Variants in CSNK1G1 observed in about 807,000 individuals in gnomAD.
The protein encoded by CSNK1G1 is casein kinase 1 gamma 1, also known as casein kinase I isoform gamma-1.
A neutral mutation model predicts 59.6 loss-of-function variants in CSNK1G1; 22 were observed. That is an observed-to-expected ratio of 0.37 (90% CI 0.26 to 0.53). CSNK1G1 has a LOEUF of 0.53. Among genes scored for constraint, CSNK1G1 ranks in the 20% least tolerant of loss-of-function variants. The pLI is 0.89. For synonymous variants in CSNK1G1, 179 were observed against 177.1 expected (o/e 1.01, Z -0.08); for missense variants, 384 against 519.5 (o/e 0.74, Z 2.54).
At chr15:64,336,162 T>C (rs907371372) in intron 1 of CSNK1G1, among the ~76,000 whole-genome samples, 6 of 152,192 alleles carry the variant, frequency 3.9e-5, no homozygotes, top group African/African-American at 1.4e-4. Flanking sequence ...CAAAGCACCA[T>C]GCCCAAAACA....
In CSNK1G1 at chr15:64,246,386, C is replaced by T. The variant is rs1891756205; in HGVS notation, c.292+5126G>A. ...CCTGTGATCCCAGCACTTTGGGCAG[C>T]CAAGGTGAGAGGATCACCTGGGGCC... is the stretch of plus-strand genomic sequence containing the variant. On this transcript the variant is annotated intron_variant, in intron 4 of 11. Coordinates refer to ENST00000303052, the MANE Select transcript of CSNK1G1 (RefSeq NM_022048.5). Among the ~76,000 whole-genome samples, 3 of 152,088 alleles carry T rather than the reference C, an allele frequency of 2.0e-5. No individual in the cohort carries two copies. The South Asian group carries it at 6.2e-4, about 32-fold the overall frequency.
At chr15:64,310,121 A>C (rs1333566850) in intron 1 of CSNK1G1, among the ~76,000 whole-genome samples, 3 of 151,984 alleles carry the variant, frequency 2.0e-5, no homozygotes, top group Admixed American at 2.0e-4. Context: ...TCCCCAAAAA[A>C]GGGGTGGGTA....
chr15:64,173,619 CTTTTTTTTTTT>C (rs928192194), intron 11 of CSNK1G1, among the ~76,000 whole-genome samples: 4 of 108,546 alleles, frequency 3.7e-5, no homozygotes, highest in East Asian at 2.5e-4. Flanking sequence ...CTTTTCTTTT[CTTTTTTTTTTT>C]TTTTTTTTTT....
At position 64,247,419 on chromosome 15, in the gene CSNK1G1, T is replaced by C. The variant is rs549901465; in HGVS notation, c.292+4093A>G. On this transcript the variant is annotated intron_variant, in intron 4 of 11. Transcript: ENST00000303052. Reference sequence around the variant, plus strand: ...AAAATGCTTATTCTCAGTTTCAAGGTTCTCATGGTCCCCTTTACTTTCTTC... The same window carrying C: ...AAAATGCTTATTCTCAGTTTCAAGGCTCTCATGGTCCCCTTTACTTTCTTC... Among the ~76,000 whole-genome samples, 5 of 152,354 alleles carry C rather than the reference T, an allele frequency of 3.3e-5. No homozygotes were observed. The East Asian group carries it at 9.6e-4, about 29-fold the overall frequency.
chr15:64,197,466 A>G (rs1405773736), intron 10 of CSNK1G1, among the ~76,000 whole-genome samples: 1 of 152,222 alleles, frequency 6.6e-6, no homozygotes, highest in African/African-American at 2.4e-5. Context: ...TGCCATCTCT[A>G]GTAATAGTAC....
intron 2 of CSNK1G1, among the ~76,000 whole-genome samples, chr15:64,263,073 C>T (rs62021611): frequency 0.027 from 3,515 of 132,572 alleles, 70 homozygotes; most frequent in Non-Finnish European, 0.039. Flanking sequence ...GAGCAAAACG[C>T]CATCTCAAAA....
intron 1 of CSNK1G1, among the ~76,000 whole-genome samples, chr15:64,346,230 A>C (rs1191922824): frequency 6.6e-6 from 1 of 151,602 alleles, no homozygotes; most frequent in Non-Finnish European, 1.5e-5. Flanking sequence ...TATTTTTTTT[A>C]ATTAAAAAAT....
At chr15:64,309,610 G>A (rs1036763352) in intron 1 of CSNK1G1, among the ~76,000 whole-genome samples, 4 of 152,184 alleles carry the variant, frequency 2.6e-5, no homozygotes, top group Non-Finnish European at 5.9e-5. Flanking sequence ...GCTATGGTGA[G>A]GTGCTAAAAG....
chr15:64,189,719 G>C (rs913562640), intron 10 of CSNK1G1, among the ~76,000 whole-genome samples: 6 of 151,730 alleles, frequency 4.0e-5, no homozygotes, highest in African/African-American at 1.5e-4. Context: ...CCATATTTCA[G>C]TATCTCATTG....
At chr15:64,196,859 G>A (rs2082045453) in intron 10 of CSNK1G1, among the ~76,000 whole-genome samples, 1 of 151,756 alleles carries the variant, frequency 6.6e-6, no homozygotes, top group African/African-American at 2.4e-5. Context: ...CTGCCAAACA[G>A]AGGCAAAATG....
At chr15:64,347,998 C>G (rs1159896524) in intron 1 of CSNK1G1, among the ~76,000 whole-genome samples, 1 of 147,852 alleles carries the variant, frequency 6.8e-6, no homozygotes, top group Non-Finnish European at 1.5e-5. Context: ...GAGCACAACT[C>G]TGTGTCAAAA....
At chr15:64,308,441 A>AAAGT (rs112160596) in intron 1 of CSNK1G1, among the ~76,000 whole-genome samples, 132,320 of 151,664 alleles carry the variant, frequency 0.87, 58,631 homozygotes, top group East Asian at 0.96. Flanking sequence ...GTTCATTATT[A>AAAGT]AAGGGAGCCA....
At chr15:64,331,213 T>G (rs988792514) in intron 1 of CSNK1G1, among the ~76,000 whole-genome samples, 1 of 133,792 alleles carries the variant, frequency 7.5e-6, no homozygotes, top group African/African-American at 2.8e-5. Flanking sequence ...GAGCCCGCAT[T>G]GCCAAGTCAA....
chr15:64,291,516 A>C (rs1442814653), intron 2 of CSNK1G1, among the ~76,000 whole-genome samples: 10 of 152,170 alleles, frequency 6.6e-5, no homozygotes, highest in Admixed American at 6.5e-4. Flanking sequence ...TGAATCCAGG[A>C]GGTGGAGGTT....
Position 64,178,114 on chromosome 15 carries a change from T to C in CSNK1G1, c.1214+2234A>G, listed in dbSNP as rs945815065. ...AATGCCTGAGGCCAGACTCAGACAT[T>C]TGTATTTTCTACCATGCCCCAAATG... On this transcript the variant is annotated intron_variant, in intron 11 of 11. Coordinates refer to ENST00000303052, the MANE Select transcript of CSNK1G1 (RefSeq NM_022048.5). Among the ~76,000 whole-genome samples, 5 of 152,184 alleles carry C rather than the reference T, an allele frequency of 3.3e-5. No homozygotes were observed. In the East Asian group the frequency reaches 7.7e-4, roughly 23 times the overall value.
chr15:64,177,841 T>A (rs1481909802), intron 11 of CSNK1G1, among the ~76,000 whole-genome samples: 1 of 152,206 alleles, frequency 6.6e-6, no homozygotes. Context: ...CTAAAGCCCA[T>A]TTGATTACTG....
chr15:64,269,038 C>G (rs1304693930), intron 2 of CSNK1G1, among the ~76,000 whole-genome samples: 2 of 152,010 alleles, frequency 1.3e-5, no homozygotes, highest in Non-Finnish European at 2.9e-5. Flanking sequence ...TACCCACTAC[C>G]ATTGTGCTGC....
chr15:64,243,913 AAT>A (rs1891611326), intron 4 of CSNK1G1, among the ~76,000 whole-genome samples: 1 of 151,882 alleles, frequency 6.6e-6, no homozygotes. Context: ...TCACACCTGC[AAT>A]CCCAGCACTT....
At chr15:64,241,810 GA>G (rs972693481) in intron 4 of CSNK1G1, among the ~76,000 whole-genome samples, 15 of 133,954 alleles carry the variant, frequency 1.1e-4, no homozygotes, top group East Asian at 4.4e-4. Flanking sequence ...AACTAGAAAA[GA>G]AAAAAAAAAC....
Sources: gnomAD v4.1 joint callset for allele counts (sites outside exome capture counted in the v4.1 genomes callset) on GRCh38, gnomAD v4.1.1 for gene constraint, MANE v1.5 for transcripts, NCBI Gene and HGNC (gene_info 2026-07-23, HGNC 2026-07-21) for gene names.